Variants in RPH3A observed in about 807,000 individuals in gnomAD.
RPH3A encodes rabphilin-3A.
A neutral mutation model predicts 102.2 loss-of-function variants in RPH3A; 48 were observed. The observed-to-expected ratio is 0.47, with a 90% CI of 0.37 to 0.60. The LOEUF is 0.60. Ranked by LOEUF, RPH3A falls within the 20% of genes least tolerant of loss-of-function variation. The pLI is 0.00. For synonymous variants in RPH3A, 310 were observed against 324.3 expected (o/e 0.96, Z 0.47); for missense variants, 781 against 910.1 (o/e 0.86, Z 1.83).
chr12:112,829,417 T>A (rs974000778), intron 3 of RPH3A, among the ~76,000 whole-genome samples: 1 of 151,940 alleles, frequency 6.6e-6, no homozygotes, highest in Admixed American at 6.6e-5. Context: ...ACTACAGGCA[T>A]GCACCACCAC....
intron 1 of RPH3A, among the ~76,000 whole-genome samples, chr12:112,706,997 T>C (rs2040431221): frequency 6.6e-6 from 1 of 152,182 alleles, no homozygotes; most frequent in African/African-American, 2.4e-5. Context: ...ACCTACATTG[T>C]TGATTCTCTG....
intron 1 of RPH3A, among the ~76,000 whole-genome samples, chr12:112,726,615 C>T (rs183473888): frequency 2.6e-5 from 4 of 152,192 alleles, no homozygotes; most frequent in African/African-American, 4.8e-5. Context: ...AAAAGTTTGG[C>T]CATACTTACT....
chr12:112,844,111 C>A (rs1454133429), intron 4 of RPH3A, among the ~76,000 whole-genome samples: 1 of 152,164 alleles, frequency 6.6e-6, no homozygotes, highest in Non-Finnish European at 1.5e-5. Flanking sequence ...TAAAGTGATC[C>A]CCACCTCTTG....
At chr12:112,777,907 A>G (rs896422459) in intron 1 of RPH3A, among the ~76,000 whole-genome samples, 5 of 152,218 alleles carry the variant, frequency 3.3e-5, no homozygotes, top group Non-Finnish European at 7.3e-5. Context: ...ATTGACAAGG[A>G]AAGAATCTCC....
rs1026453220 is a variant in RPH3A, at chr12:112,821,210, G to A, written c.-18-7091G>A. ...ACAGTAGACAAAGCAGGAGGTCGCC[G>A]TCTTTCTCTTTGGTGTCCCAAGTGT... On this transcript the variant is annotated intron_variant, in intron 2 of 21. Transcript: ENST00000389385. 3.9e-5 allele frequency among the ~76,000 whole-genome samples: 6 copies of A among 152,320 alleles called. No individual in the cohort carries two copies. The South Asian group carries it at 8.3e-4, about 21-fold the overall frequency.
chr12:112,815,968 T>C (rs1044435837), intron 2 of RPH3A, among the ~76,000 whole-genome samples: 1 of 152,186 alleles, frequency 6.6e-6, no homozygotes, highest in Non-Finnish European at 1.5e-5. Flanking sequence ...GAGTGTTCTG[T>C]TGAACGATGT....
chr12:112,607,650 C>A (rs372912116), intron 1 of RPH3A, among the ~76,000 whole-genome samples: 1 of 152,188 alleles, frequency 6.6e-6, no homozygotes, highest in Non-Finnish European at 1.5e-5. Context: ...GCAAGTTATG[C>A]GGCCCTTGAG....
At chr12:112,678,232 CGAAAGAAAGAAAGAAAGAAA>C (rs757546615) in intron 1 of RPH3A, among the ~76,000 whole-genome samples, 1,732 of 74,696 alleles carry the variant, frequency 0.023, 104 homozygotes, top group African/African-American at 0.026. Flanking sequence ...AAGACCCTGT[CGAAAGAAAGAAAGAAAGAAA>C]GAAAGAAAGA....
upstream of RPH3A, among the ~76,000 whole-genome samples, chr12:112,786,969 GCCTGCCCACATTCCTTA>G (rs531025378): frequency 3.0e-4 from 45 of 152,168 alleles, 1 homozygote; most frequent in South Asian, 9.2e-3. Context: ...ATTTTCTAGA[GCCTGCCCACATTCCTTA>G]CCTGGTAGCT....
intron 1 of RPH3A, among the ~76,000 whole-genome samples, chr12:112,590,481 G>A (rs1260877107): frequency 5.3e-5 from 8 of 152,288 alleles, no homozygotes; most frequent in African/African-American, 1.7e-4. Context: ...CACAAAGATA[G>A]CACAGCCCCT....
chr12:112,682,360 T>C (rs1212798857), intron 1 of RPH3A, among the ~76,000 whole-genome samples: 21 of 144,066 alleles, frequency 1.5e-4, no homozygotes, highest in East Asian at 7.7e-4. Context: ...TCTTTCTTTT[T>C]TTTTTTTTTT....
At chr12:112,803,508 T>C (rs2041396699) in intron 2 of RPH3A, among the ~76,000 whole-genome samples, 1 of 151,320 alleles carries the variant, frequency 6.6e-6, no homozygotes, top group East Asian at 1.9e-4. Context: ...TTATTATTAT[T>C]ATTACAATTT....
chr12:112,597,476 G>T (rs2135966803), intron 1 of RPH3A, among the ~76,000 whole-genome samples: 1 of 152,202 alleles, frequency 6.6e-6, no homozygotes, highest in East Asian at 1.9e-4. Flanking sequence ...CCCCAAGGCT[G>T]GGAGTACAGC....
rs1214955891 is a variant in RPH3A, at chr12:112,897,119, C to T, written c.*339C>T. The T allele has an allele frequency of 2.6e-5, 7 of 268,582 alleles. No individual in the cohort carries two copies. The highest frequency in any genetic ancestry group is 1.5e-4 in the African/African-American group (7 of 46,018). The allele number at this position is 268,582 out of a possible 1,614,324, so 16.6% of individuals were successfully genotyped here. On this transcript the variant is annotated 3_prime_UTR_variant, in exon 22 of 22. Coordinates refer to ENST00000389385, the MANE Select transcript of RPH3A (RefSeq NM_001143854.2). Reference sequence around the variant, plus strand: ...TTCATCATTTAGGACTGTTTTTAGACCCTCCTAGCCTTGAACACACACATG... The same window carrying T: ...TTCATCATTTAGGACTGTTTTTAGATCCTCCTAGCCTTGAACACACACATG...
chr12:112,760,963 A>T (rs945768436), intron 1 of RPH3A, among the ~76,000 whole-genome samples: 1 of 152,182 alleles, frequency 6.6e-6, no homozygotes, highest in Non-Finnish European at 1.5e-5. Flanking sequence ...GATATGATGA[A>T]CACTGTTTGC....
intron 1 of RPH3A, among the ~76,000 whole-genome samples, chr12:112,706,354 C>T (rs1211320986): frequency 6.6e-6 from 1 of 152,144 alleles, no homozygotes; most frequent in Admixed American, 6.5e-5. Flanking sequence ...TCTCCCTGCC[C>T]CAGAACTCCT....
intron 7 of RPH3A, 50 bp from the exon 8 acceptor site, chr12:112,868,380 G>A: frequency 1.3e-6 from 2 of 1,590,672 alleles, no homozygotes; most frequent in Non-Finnish European, 1.7e-6. Flanking sequence ...GAAGGTAAGA[G>A]CAACAGCGCT....
chr12:112,627,152 A>G (rs2039772762), intron 1 of RPH3A, among the ~76,000 whole-genome samples: 1 of 148,064 alleles, frequency 6.8e-6, no homozygotes, highest in African/African-American at 2.5e-5. Context: ...TGGCACATGT[A>G]TACATATGTA....
chr12:112,894,398 G>A (rs986719277), intron 19 of RPH3A, 180 bp from the exon 20 acceptor site: 39 of 625,000 alleles, frequency 6.2e-5, no homozygotes, highest in African/African-American at 3.9e-4. Flanking sequence ...ATATGCCTAA[G>A]TTGCTCAGTC....
Sources: gnomAD v4.1 joint callset for allele counts (sites outside exome capture counted in the v4.1 genomes callset) on GRCh38, gnomAD v4.1.1 for gene constraint, MANE v1.5 for transcripts, NCBI Gene and HGNC (gene_info 2026-07-23, HGNC 2026-07-21) for gene names.